BAZ2B: variants seen among roughly 807,000 people sequenced by gnomAD.
BAZ2B encodes bromodomain adjacent to zinc finger domain protein 2B.
Under a neutral mutation model 246.0 loss-of-function variants are expected in BAZ2B, and 91 were observed. The observed-to-expected ratio is 0.37, with a 90% confidence interval of 0.31 to 0.44. The LOEUF is 0.44. BAZ2B is among the 20% of genes least tolerant of loss of function. BAZ2B has a pLI of 1.00. For synonymous variants in BAZ2B, 855 were observed against 860.0 expected (o/e 0.99, Z 0.10); for missense variants, 2,332 against 2,533.7 (o/e 0.92, Z 1.71).
At chr2:159,573,191 G>A (rs1470299816) in intron 1 of BAZ2B, among the ~76,000 whole-genome samples, 1 of 152,004 alleles carries the variant, frequency 6.6e-6, no homozygotes, top group Non-Finnish European at 1.5e-5. Context: ...GATTATTTTG[G>A]CCAGGATTGC....
At chr2:159,373,548 T>C (rs1324044643) in intron 26 of BAZ2B, among the ~76,000 whole-genome samples, 1 of 152,172 alleles carries the variant, frequency 6.6e-6, no homozygotes, top group Non-Finnish European at 1.5e-5. Flanking sequence ...ACATATAATA[T>C]GGCCAGGCAC....
At chr2:159,469,349 G>A (rs1013647903) in intron 3 of BAZ2B, among the ~76,000 whole-genome samples, 4 of 152,112 alleles carry the variant, frequency 2.6e-5, no homozygotes, top group Non-Finnish European at 5.9e-5. Context: ...CGAAATGAAC[G>A]AATTCCTTGA....
At chr2:159,555,639 G>GT (rs2089009247) in intron 2 of BAZ2B, 184 bp downstream of exon 2, 1 of 142,244 alleles carries the variant, frequency 7.0e-6, no homozygotes, top group Non-Finnish European at 1.5e-5. Context: ...ATCCTTTAAA[G>GT]TAATATTTTA....
chr2:159,557,919 TA>T (rs966580940), intron 1 of BAZ2B, among the ~76,000 whole-genome samples: 21 of 146,854 alleles, frequency 1.4e-4, no homozygotes, highest in Admixed American at 1.4e-4. Flanking sequence ...TTGGGAAGCT[TA>T]AAAAAAAAAG....
At chr2:159,575,983 C>CATTA (rs1685196848) in intron 1 of BAZ2B, among the ~76,000 whole-genome samples, 1 of 152,126 alleles carries the variant, frequency 6.6e-6, no homozygotes, top group Non-Finnish European at 1.5e-5. Context: ...AATTCACATA[C>CATTA]ATTAGTAAAA....
chr2:159,523,243 A>C (rs891440373), intron 2 of BAZ2B, among the ~76,000 whole-genome samples: 2 of 152,138 alleles, frequency 1.3e-5, no homozygotes, highest in African/African-American at 2.4e-5. Context: ...TCTACAAAAA[A>C]TATTAAAAAT....
At chr2:159,496,445 C>A (rs1270008789) in intron 2 of BAZ2B, among the ~76,000 whole-genome samples, 2 of 145,510 alleles carry the variant, frequency 1.4e-5, no homozygotes, top group Admixed American at 6.9e-5. Flanking sequence ...GCCGATTGCA[C>A]CACTGCACTC....
intron 1 of BAZ2B, among the ~76,000 whole-genome samples, chr2:159,580,464 C>A (rs999747134): frequency 6.6e-6 from 1 of 152,106 alleles, no homozygotes; most frequent in Non-Finnish European, 1.5e-5. Context: ...TAGGAAGAAC[C>A]AATATCGTGA....
At chr2:159,573,285 G>A (rs142223833) in intron 1 of BAZ2B, among the ~76,000 whole-genome samples, 4 of 152,280 alleles carry the variant, frequency 2.6e-5, no homozygotes, top group African/African-American at 4.8e-5. Context: ...AGTAATCAAA[G>A]CAGAGTAGCA....
At chr2:159,435,191 A>C (rs1171887917) in intron 8 of BAZ2B, 1 of 151,572 alleles carries the variant, frequency 6.6e-6, no homozygotes, top group Non-Finnish European at 1.5e-5. Context: ...AATACTTATA[A>C]ATATTTTATT....
chr2:159,690,861 G>T, the BAZ2B span, among the ~76,000 whole-genome samples: 7 of 132,326 alleles, frequency 5.3e-5, no homozygotes, highest in East Asian at 1.4e-3. Flanking sequence ...CTGTTCTGTT[G>T]TACTTCTACT....
In BAZ2B at chr2:159,522,456, C is replaced by T. The variant is rs117481234; in HGVS notation, c.-3+33367G>A. 1.8e-4 allele frequency among the ~76,000 whole-genome samples: 28 copies of T among 152,214 alleles called. No homozygotes were observed. In the East Asian group the frequency reaches 5.2e-3, roughly 28 times the overall value. On this transcript the variant is annotated intron_variant, in intron 2 of 36. Transcript: ENST00000392783. ...ACAACAACAACAACAAAAAGCAGTA[C>T]TTATACCAACTAAAACATCCAGAGT...
intron 1 of BAZ2B, among the ~76,000 whole-genome samples, chr2:159,606,553 G>GT (rs1274836028): frequency 5.9e-5 from 9 of 152,124 alleles, no homozygotes; most frequent in African/African-American, 1.9e-4. Flanking sequence ...AGAAAAGATA[G>GT]TAAGCATGGC....
chr2:159,653,808 G>C, the BAZ2B span, among the ~76,000 whole-genome samples: 4 of 152,058 alleles, frequency 2.6e-5, no homozygotes, highest in Admixed American at 2.6e-4. Flanking sequence ...CAATGGCAAG[G>C]GCAATGGACT....
the BAZ2B span, among the ~76,000 whole-genome samples, chr2:159,683,525 G>A: frequency 2.6e-4 from 40 of 152,318 alleles, no homozygotes; most frequent in Middle Eastern, 3.4e-3. Flanking sequence ...CCCCTTTGTA[G>A]TTGGGTTAGT....
At chr2:159,520,297 C>A (rs891533776) in intron 2 of BAZ2B, among the ~76,000 whole-genome samples, 3 of 152,082 alleles carry the variant, frequency 2.0e-5, no homozygotes, top group Admixed American at 6.5e-5. Flanking sequence ...AAATTTATGT[C>A]CTCCTGCCTC....
chr2:159,529,311 TAAA>T (rs1298431951), intron 2 of BAZ2B, among the ~76,000 whole-genome samples: 1 of 143,140 alleles, frequency 7.0e-6, no homozygotes. Context: ...ATCTTCTCTT[TAAA>T]AAAAAAAAAA....
At chr2:159,463,116 C>A in intron 3 of BAZ2B, 1 of 672,650 alleles carries the variant, frequency 1.5e-6, no homozygotes. Context: ...CTGCCCTTTC[C>A]CTGAGGAGAC....
the BAZ2B span, among the ~76,000 whole-genome samples, chr2:159,709,304 T>G: frequency 6.6e-5 from 10 of 150,524 alleles, no homozygotes; most frequent in Admixed American, 6.7e-4. Context: ...AGAGTATGTG[T>G]GTGGTGGGGG....
Sources: gnomAD v4.1 joint callset for allele counts (sites outside exome capture counted in the v4.1 genomes callset) on GRCh38, gnomAD v4.1.1 for gene constraint, MANE v1.5 for transcripts, NCBI Gene and HGNC (gene_info 2026-07-23, HGNC 2026-07-21) for gene names.